FSIP2: variants seen among roughly 807,000 people sequenced by gnomAD.
FSIP2 encodes the protein fibrous sheath interacting protein 2, also known as fibrous sheath-interacting protein 2.
Under a neutral mutation model 510.5 loss-of-function variants are expected in FSIP2, and 367 were observed. The observed-to-expected ratio is 0.72, with a 90% CI of 0.66 to 0.78. The LOEUF is 0.78. FSIP2 is among the 30% of genes least tolerant of loss of function. FSIP2 has a pLI of 0.00. For synonymous variants in FSIP2, 2,601 were observed against 2,732.2 expected, an observed-to-expected ratio of 0.95 and a Z score of 1.50; for missense variants, 7,594 against 7,901.7, an observed-to-expected ratio of 0.96 and a Z score of 1.48.
At chr2:185,779,287 T>G (rs1247833425) in intron 13 of FSIP2, among the ~76,000 whole-genome samples, 1 of 135,314 alleles carries the variant, frequency 7.4e-6, no homozygotes. Context: ...GTGCTAAATT[T>G]AGTTTTTATC....
Position 185,796,644 on chromosome 2 carries a change from A to G in FSIP2, c.9508A>G (p.Lys3170Glu). The G allele has an allele frequency of 6.5e-7, 1 of 1,535,064 alleles. No homozygotes were observed. Among genetic ancestry groups the G allele is most frequent in the Non-Finnish European group, 8.7e-7 (1 of 1,146,260 alleles). Residue 3170 changes from lysine (K) to glutamate (E), a missense_variant, in exon 16 of 23, where the codon AAG becomes GAG. Coordinates refer to ENST00000424728, the MANE Select transcript of FSIP2 (RefSeq NM_173651.4). ...LATNMKMFTS[K>E]LKEGSLGINP... ...AACTAATATGAAAATGTTCACATCA[A>G]AGTTAAAGGAAGGTAGTTTGGGGAT...
intron 3 of FSIP2, 109 bp downstream of exon 3, chr2:185,743,403 T>G (rs897622854): frequency 1.8e-5 from 10 of 563,164 alleles, no homozygotes; most frequent in South Asian, 3.7e-5. Flanking sequence ...AACTTGGTCA[T>G]GAGACAATAC....
chr2:185,804,113 A>C lies in FSIP2; in HGVS notation c.14807A>C (p.Gln4936Pro). 6.6e-7 allele frequency: 1 copy of C among 1,525,234 alleles called. No individual in the cohort carries two copies. The highest frequency in any genetic ancestry group is 8.8e-7 in the Non-Finnish European group (1 of 1,142,266). The allele number at this position is 1,525,234 out of a possible 1,614,324, so 94.5% of individuals were successfully genotyped here. ...AAATTGAAAGCAATAGATCCTAAACAAAGAGAATTATCTTTTATTGTGAAC... is the reference window on the plus strand; with the variant it reads ...AAATTGAAAGCAATAGATCCTAAACCAAGAGAATTATCTTTTATTGTGAAC... The part of the protein sequence containing the change: ...TYKLKAIDPK[Q>P]RELSFIVNSS... The change falls in exon 17 of 23, where the codon CAA becomes CCA. Residue 4936 changes from glutamine (Q) to proline (P), a missense_variant. Transcript: ENST00000424728.
intron 13 of FSIP2, among the ~76,000 whole-genome samples, chr2:185,771,939 C>T (rs1054009877): frequency 6.6e-6 from 1 of 152,314 alleles, no homozygotes; most frequent in South Asian, 2.1e-4. Context: ...CATCATTTCT[C>T]GAATGCTTTG....
chr2:185,765,390 T>C (rs1692448689), intron 13 of FSIP2: 2 of 152,236 alleles, frequency 1.3e-5, no homozygotes, highest in Admixed American at 6.6e-5. Flanking sequence ...GCACCATTTA[T>C]TAAATAGGGA....
chr2:185,809,268 G>A (rs1435357249), intron 17 of FSIP2, 135 bp downstream of exon 17: 17 of 933,594 alleles, frequency 1.8e-5, no homozygotes, highest in Non-Finnish European at 2.5e-5. Flanking sequence ...AGAATTAGTT[G>A]CATCAGTTCA....
In FSIP2 at chr2:185,796,815, C is replaced by T. The variant is rs1275334709; in HGVS notation, c.9679C>T (p.Pro3227Ser). The change falls in exon 16 of 23, where the codon CCT (proline) becomes TCT (serine). Residue 3227 changes from proline (P) to serine (S), a missense_variant. Physicochemically the swap from Pro to Ser is moderately conservative, Grantham distance 74. Transcript: ENST00000424728. ...TVKNSEPTKRPDSETMPSCST... is the reference protein window; with the variant it reads ...TVKNSEPTKRSDSETMPSCST... ...TAAAAACTCAGAGCCAACGAAAAGG[C>T]CTGATTCAGAAACTATGCCATCGTG... The T allele has an allele frequency of 1.4e-5, 21 of 1,535,014 alleles. No homozygotes were observed. In the Admixed American group the frequency reaches 3.1e-4, roughly 23 times the overall value.
intron 13 of FSIP2, among the ~76,000 whole-genome samples, chr2:185,772,883 T>G (rs968031398): frequency 2.0e-5 from 3 of 151,936 alleles, no homozygotes; most frequent in Non-Finnish European, 2.9e-5. Context: ...TTTTCTTTTT[T>G]CAGATCTAGC....
At chr2:185,780,178 G>A (rs1322867416) in intron 13 of FSIP2, among the ~76,000 whole-genome samples, 3 of 151,862 alleles carry the variant, frequency 2.0e-5, no homozygotes, top group African/African-American at 7.2e-5. Context: ...CTGTTTTTAA[G>A]ATGTTTTCTT....
intron 19 of FSIP2, among the ~76,000 whole-genome samples, chr2:185,816,706 A>C (rs1480798179): frequency 6.6e-6 from 1 of 151,806 alleles, no homozygotes; most frequent in Non-Finnish European, 1.5e-5. Context: ...AAAATAATAA[A>C]AAATTAGCTG....
chr2:185,792,007 C>T lies in FSIP2; in HGVS notation c.4871C>T (p.Thr1624Ile). The change falls in exon 16 of 23, where the codon ACC becomes ATC. Residue 1624 changes from threonine to isoleucine, a missense_variant. Transcript: ENST00000424728. ...SNKIGWEYES[T>I]NISRDTHEAS... ...AAGATAGGCTGGGAATATGAAAGCA[C>T]CAATATTTCCAGAGACACACATGAA... is the stretch of plus-strand genomic sequence containing the variant. 1 of 1,533,764 alleles carries T rather than the reference C, an allele frequency of 6.5e-7. No individual in the cohort carries two copies. Among genetic ancestry groups the T allele is most frequent in the Non-Finnish European group, 8.7e-7 (1 of 1,145,316 alleles).
chr2:185,756,414 G>A (rs1020411664), intron 9 of FSIP2, 136 bp downstream of exon 9: 28 of 409,612 alleles, frequency 6.8e-5, no homozygotes, highest in Middle Eastern at 4.2e-4. Flanking sequence ...TTTGAGTGAC[G>A]CTTATCAAGA....
intron 5 of FSIP2, 149 bp from the exon 6 acceptor site, chr2:185,746,520 T>A (rs1692037250): frequency 8.6e-6 from 5 of 578,212 alleles, no homozygotes; most frequent in Non-Finnish European, 1.1e-5. Flanking sequence ...TAAAGGTTTA[T>A]AAACAGGACT....
intron 21 of FSIP2, among the ~76,000 whole-genome samples, chr2:185,829,851 A>C (rs1694075933): frequency 6.6e-6 from 1 of 151,908 alleles, no homozygotes; most frequent in Non-Finnish European, 1.5e-5. Flanking sequence ...GAACTAGAAA[A>C]GGGGGCTAAT....
intron 13 of FSIP2, among the ~76,000 whole-genome samples, chr2:185,771,271 T>C (rs1285613377): frequency 1.3e-5 from 2 of 152,196 alleles, no homozygotes; most frequent in East Asian, 3.9e-4. Context: ...TCAGTGTGAG[T>C]TCTTCAATCC....
intron 13 of FSIP2, among the ~76,000 whole-genome samples, chr2:185,773,873 G>C (rs1692663533): frequency 6.6e-6 from 1 of 152,048 alleles, no homozygotes; most frequent in Non-Finnish European, 1.5e-5. Flanking sequence ...AGTTTTGTCT[G>C]CTTTTAAAGA....
chr2:185,792,032 A>C lies in FSIP2; in HGVS notation c.4896A>C (p.Glu1632Asp). 6.5e-7 allele frequency: 1 copy of C among 1,534,024 alleles called. No homozygotes were observed. The highest frequency in any genetic ancestry group is 8.7e-7 in the Non-Finnish European group (1 of 1,145,378). ...CCAATATTTCCAGAGACACACATGA[A>C]GCATCATTTCTGTCTGCTTTATATA... is the stretch of plus-strand genomic sequence containing the variant. Reference protein sequence around the residue: ...ESTNISRDTHEASFLSALYMH... With the variant: ...ESTNISRDTHDASFLSALYMH... The change falls in exon 16 of 23, where the codon GAA (glutamate) becomes GAC (aspartate). Residue 1632 changes from glutamate (E) to aspartate (D), a missense_variant. Transcript: ENST00000424728.
intron 13 of FSIP2, among the ~76,000 whole-genome samples, chr2:185,775,211 G>A (rs1465631789): frequency 0.012 from 1,810 of 146,614 alleles, 23 homozygotes; most frequent in African/African-American, 0.043. Flanking sequence ...GTGTAAAAGC[G>A]TTCCTATTTC....
At position 185,806,400 on chromosome 2, in the gene FSIP2, A is replaced by C; in HGVS notation, c.17094A>C (p.Ala5698=). The part of the protein sequence containing the change: ...VLELSSSPEP[A]YYSKLSYDQS... ...AACTATCTTCTTCTCCAGAACCAGC[A>C]TATTATTCGAAACTCAGTTATGACC... Residue 5698 remains alanine, a synonymous_variant, in exon 17 of 23, where the codon GCA becomes GCC. Coordinates refer to ENST00000424728, the MANE Select transcript of FSIP2 (RefSeq NM_173651.4). 6.2e-7 allele frequency: 1 copy of C among 1,611,970 alleles called. No homozygotes were observed. The highest frequency in any genetic ancestry group is 2.2e-5 in the East Asian group (1 of 44,786).
Sources: allele counts gnomAD v4.1 joint callset (sites outside exome capture counted in the v4.1 genomes callset), GRCh38; gene constraint gnomAD v4.1.1; transcripts MANE v1.5; gene names NCBI Gene and HGNC (gene_info 2026-07-23, HGNC 2026-07-21).